The following SRBD1 variants were observed in gnomAD, a reference collection of about 807,000 sequenced individuals.
SRBD1 encodes S1 RNA binding domain 1.
Under a neutral mutation model 115.3 loss-of-function variants are expected in SRBD1, and 88 were observed. The ratio of observed to expected loss-of-function variants is 0.76; its 90% CI spans 0.64 to 0.91. The LOEUF (loss-of-function observed/expected upper bound fraction) is 0.91. SRBD1 is among the 40% of genes least tolerant of loss of function. The pLI, the probability that SRBD1 is intolerant of heterozygous loss-of-function variation, is 0.00. For missense variants in SRBD1, 1,385 were observed against 1,177.4 expected (o/e 1.18, Z -2.58); for synonymous variants, 509 against 407.7 (o/e 1.25, Z -2.99).
intron 14 of SRBD1, among the ~76,000 whole-genome samples, chr2:45,545,314 A>C: frequency 7.4e-6 from 1 of 134,752 alleles, no homozygotes; most frequent in Admixed American, 7.6e-5. Context: ...AAAAAAAAAA[A>C]ACAGATGAAC....
chr2:45,423,863 A>G (rs1313319047), intron 16 of SRBD1, among the ~76,000 whole-genome samples: 1 of 152,166 alleles, frequency 6.6e-6, no homozygotes, highest in East Asian at 1.9e-4. Context: ...CATATAATGT[A>G]TTCAGTATGT....
chr2:45,522,399 A>T (rs1431049956), intron 14 of SRBD1, among the ~76,000 whole-genome samples: 4 of 152,068 alleles, frequency 2.6e-5, no homozygotes, highest in Admixed American at 2.6e-4. Context: ...GCTAATCTAG[A>T]GCTCCTGGGC....
chr2:45,530,420 A>G (rs1338640951), intron 14 of SRBD1, among the ~76,000 whole-genome samples: 1 of 152,024 alleles, frequency 6.6e-6, no homozygotes, highest in African/African-American at 2.4e-5. Flanking sequence ...AGAATATTTA[A>G]AAAAGAAAAA....
intron 14 of SRBD1, among the ~76,000 whole-genome samples, chr2:45,527,747 A>C (rs190916163): frequency 6.6e-6 from 1 of 151,922 alleles, no homozygotes; most frequent in Non-Finnish European, 1.5e-5. Flanking sequence ...TAAGTAACTT[A>C]AGCACAGTCA....
At chr2:45,601,203 A>G (rs1674080858) in intron 3 of SRBD1, among the ~76,000 whole-genome samples, 2 of 152,226 alleles carry the variant, frequency 1.3e-5, no homozygotes, top group Non-Finnish European at 1.5e-5. Context: ...TGGACATTCA[A>G]TAAACTCAAA....
intron 19 of SRBD1, among the ~76,000 whole-genome samples, chr2:45,406,222 T>G (rs1667432826): frequency 6.6e-6 from 1 of 151,846 alleles, no homozygotes; most frequent in African/African-American, 2.4e-5. Flanking sequence ...GGAAAGAGAA[T>G]CAAGACATGG....
intron 9 of SRBD1, among the ~76,000 whole-genome samples, chr2:45,563,824 T>C (rs1380808132): frequency 6.6e-6 from 1 of 152,062 alleles, no homozygotes; most frequent in Non-Finnish European, 1.5e-5. Flanking sequence ...TTCCCACAAA[T>C]AAATGTCCAG....
chr2:45,510,883 A>G (rs1265246415), intron 14 of SRBD1, among the ~76,000 whole-genome samples: 3 of 152,222 alleles, frequency 2.0e-5, no homozygotes, highest in East Asian at 3.8e-4. Context: ...CTATAATCAC[A>G]TGCAGGCTGC....
chr2:45,398,974 G>C (rs560082125), intron 19 of SRBD1, among the ~76,000 whole-genome samples: 1 of 152,088 alleles, frequency 6.6e-6, no homozygotes, highest in East Asian at 1.9e-4. Context: ...CATCTAAACT[G>C]TTGTAGGAAC....
chr2:45,529,878 C>CT (rs1671560467), intron 14 of SRBD1, among the ~76,000 whole-genome samples: 1 of 152,020 alleles, frequency 6.6e-6, no homozygotes, highest in Admixed American at 6.6e-5. Context: ...AGTACAAAGG[C>CT]TTCTTTGCAT....
chr2:45,547,079 T>C (rs1219077566), intron 13 of SRBD1, among the ~76,000 whole-genome samples: 1 of 152,158 alleles, frequency 6.6e-6, no homozygotes, highest in Non-Finnish European at 1.5e-5. Context: ...CTCAAAAAAG[T>C]CAGCTTTCTT....
chr2:45,402,594 C>T (rs886417161), intron 19 of SRBD1, among the ~76,000 whole-genome samples: 5 of 152,200 alleles, frequency 3.3e-5, no homozygotes, highest in Admixed American at 2.0e-4. Flanking sequence ...ATTAGAATTC[C>T]TCCCTAATGG....
intron 15 of SRBD1, among the ~76,000 whole-genome samples, chr2:45,481,842 G>A (rs1047377537): frequency 2.6e-5 from 4 of 152,120 alleles, no homozygotes; most frequent in African/African-American, 9.7e-5. Flanking sequence ...TTATGCTTAA[G>A]TGAAAGAAGC....
At chr2:45,593,422 G>T (rs1163603864) in intron 4 of SRBD1, among the ~76,000 whole-genome samples, 1 of 152,060 alleles carries the variant, frequency 6.6e-6, no homozygotes, top group Non-Finnish European at 1.5e-5. Context: ...TATGGGGGGC[G>T]GTTTCCCCTA....
At chr2:45,567,517 G>T (rs1424312840) in intron 9 of SRBD1, among the ~76,000 whole-genome samples, 1 of 152,024 alleles carries the variant, frequency 6.6e-6, no homozygotes, top group East Asian at 1.9e-4. Flanking sequence ...GCTGAAGTGG[G>T]AGAATGCCTT....
chr2:45,582,494 G>C (rs964756886), intron 5 of SRBD1, among the ~76,000 whole-genome samples: 22 of 152,206 alleles, frequency 1.4e-4, no homozygotes, highest in African/African-American at 5.3e-4. Context: ...TAAGTATTTT[G>C]TGGAGAGGTA....
intron 16 of SRBD1, among the ~76,000 whole-genome samples, chr2:45,473,873 GT>G (rs1669724939): frequency 6.6e-6 from 1 of 152,148 alleles, no homozygotes; most frequent in Admixed American, 6.5e-5. Flanking sequence ...TATTACTTCT[GT>G]GATTATAACT....
chr2:45,511,389 T>G (rs1214695078), intron 14 of SRBD1, among the ~76,000 whole-genome samples: 1 of 152,226 alleles, frequency 6.6e-6, no homozygotes, highest in East Asian at 1.9e-4. Flanking sequence ...ATTTTTATAG[T>G]ACATTTATAA....
At chr2:45,584,720 C>G (rs1020715474) in intron 5 of SRBD1, among the ~76,000 whole-genome samples, 1 of 152,160 alleles carries the variant, frequency 6.6e-6, no homozygotes, top group African/African-American at 2.4e-5. Flanking sequence ...TATGGTCAGT[C>G]TTGTAGTCTT....
Sources: gnomAD v4.1 joint callset for allele counts (sites outside exome capture counted in the v4.1 genomes callset) on GRCh38, gnomAD v4.1.1 for gene constraint, MANE v1.5 for transcripts, NCBI Gene and HGNC (gene_info 2026-07-23, HGNC 2026-07-21) for gene names.